Variants in PFKP observed in about 807,000 individuals in gnomAD.
PFKP encodes the protein ATP-dependent 6-phosphofructokinase, platelet type.
In PFKP, 101 loss-of-function variants were observed where a neutral mutation model predicts 94.3. The ratio of observed to expected loss-of-function variants is 1.07; its 90% CI spans 0.91 to 1.26. The LOEUF (loss-of-function observed/expected upper bound fraction) is 1.26. Ranked by LOEUF, PFKP falls within the 50% of genes most tolerant of loss-of-function variation. The pLI is 0.00. For missense variants in PFKP, 1,145 were observed against 1,103.3 expected (o/e 1.04, Z -0.53); for synonymous variants, 573 against 432.6 (o/e 1.32, Z -4.03).
chr10:3,116,767 G>A lies in PFKP; in HGVS notation c.1372-9G>A. 2 of 1,609,784 alleles carry A rather than the reference G, an allele frequency of 1.2e-6. No homozygotes were observed. Among genetic ancestry groups the A allele is most frequent in the Non-Finnish European group, 1.7e-6 (2 of 1,175,994 alleles). On this transcript the variant is annotated splice_polypyrimidine_tract_variant and intron_variant, in intron 13 of 21. Transcript: ENST00000381125. ...ACTTTAGCTGTTTCGTTCTGTGTTT[G>A]CACATTAGATCAAAGAAATCGGCTG...
At chr10:3,112,191 T>C in intron 10 of PFKP, 31 bp from the exon 11 acceptor site, 1 of 1,588,410 alleles carries the variant, frequency 6.3e-7, no homozygotes, top group Non-Finnish European at 8.6e-7. Context: ...TCCTGACACA[T>C]TCTTTCTTCT....
Position 3,082,464 on chromosome 10 carries a change from C to T in PFKP, c.186+3C>T, listed in dbSNP as rs1160033959. On this transcript the variant is annotated splice_donor_region_variant and intron_variant, in intron 2 of 21. Coordinates refer to ENST00000381125, the MANE Select transcript of PFKP (RefSeq NM_002627.5). ...CCAAGGTGTACTTCATCTACGAGGT[C>T]AGTGTCTGCCCCTCACCCCCTGTCG... The T allele has an allele frequency of 6.2e-7, 1 of 1,600,646 alleles. No individual in the cohort carries two copies. The highest frequency in any genetic ancestry group is 2.3e-5 in the East Asian group (1 of 44,314).
At position 3,101,361 on chromosome 10, in the gene PFKP, C is replaced by T. The variant is rs1834976879; in HGVS notation, c.265-4C>T. On this transcript the variant is annotated splice_polypyrimidine_tract_variant and splice_region_variant and intron_variant, in intron 3 of 21. Transcript: ENST00000381125. ...GGAGATAAATTAGCTGGTGTCTTTC[C>T]CAGGGCGGGACGATCATTGGCAGTG... 3 of 1,575,784 alleles carry T rather than the reference C, an allele frequency of 1.9e-6. No individual in the cohort carries two copies. Among genetic ancestry groups the T allele is most frequent in the East Asian group, 2.3e-5 (1 of 42,812 alleles).
chr10:3,115,009 C>A (rs897562344), intron 13 of PFKP, among the ~76,000 whole-genome samples: 1 of 152,188 alleles, frequency 6.6e-6, no homozygotes, highest in African/African-American at 2.4e-5. Flanking sequence ...TGGCGAGAAA[C>A]CTTCAAGGGT....
intron 19 of PFKP, among the ~76,000 whole-genome samples, chr10:3,133,783 T>C (rs1838882157): frequency 6.6e-6 from 1 of 152,188 alleles, no homozygotes; most frequent in African/African-American, 2.4e-5. Flanking sequence ...TAGGATTCTT[T>C]TGTTGGTGAG....
Position 3,136,710 on chromosome 10 carries a change from ACCT to A in PFKP, c.*132_*134del, listed in dbSNP as rs1264496884. The A allele has an allele frequency of 4.5e-5, 41 of 919,850 alleles. No individual in the cohort carries two copies. Among genetic ancestry groups the A allele is most frequent in the East Asian group, 2.5e-4 (9 of 35,856 alleles). 57.0% of individuals were successfully genotyped at this position (919,850 alleles called of 1,614,324 possible). The stretch of plus-strand genomic sequence containing the variant: ...TAATCGGCGAGTGCCCATCTGCCCC[ACCT>A]GCTCCAGTGCGTGCTGTCTGTGGAG... On this transcript the variant is annotated 3_prime_UTR_variant, in exon 22 of 22. Transcript: ENST00000381125.
chr10:3,075,243 C>T (rs765860960), intron 1 of PFKP, among the ~76,000 whole-genome samples: 2 of 151,832 alleles, frequency 1.3e-5, no homozygotes, highest in Admixed American at 6.6e-5. Flanking sequence ...CCGTTATGAA[C>T]GTGTCACAGT....
intron 2 of PFKP, among the ~76,000 whole-genome samples, chr10:3,094,779 G>A (rs1464891449): frequency 6.6e-6 from 1 of 152,166 alleles, no homozygotes; most frequent in Non-Finnish European, 1.5e-5. Flanking sequence ...TGCATGCTCT[G>A]AATTCTAAAA....
In PFKP at chr10:3,129,978, C is replaced by G. The variant is rs1488793851; in HGVS notation, c.1843C>G (p.Leu615Val). Reference protein sequence around the residue: ...IFEEPFDIRDLQSNVEHLTEK... With the variant: ...IFEEPFDIRDVQSNVEHLTEK... ...CGAAGAGCCCTTCGACATCAGGGAT[C>G]TGCAGGTATGTGACGGGGCTGGCCT... The change falls in exon 17 of 22, where the codon CTG becomes GTG. Residue 615 changes from leucine to valine, a missense_variant. By Grantham distance (32) the Leu-to-Val change is conservative. This residue lies in a region of PFKP where 1,119 missense variants were observed against 1,062.8 expected (regional missense o/e 1.05). Coordinates refer to ENST00000381125, the MANE Select transcript of PFKP (RefSeq NM_002627.5). The G allele has an allele frequency of 4.4e-6, 7 of 1,577,010 alleles. No individual in the cohort carries two copies. The highest frequency in any genetic ancestry group is 2.2e-5 in the East Asian group (1 of 44,522).
At chr10:3,107,392 A>C in intron 8 of PFKP, 83 bp downstream of exon 8, 1 of 783,748 alleles carries the variant, frequency 1.3e-6, no homozygotes, top group Non-Finnish European at 2.2e-6. Flanking sequence ...CTTGGTTTAG[A>C]ACATTGAATT....
intron 1 of PFKP, among the ~76,000 whole-genome samples, chr10:3,074,032 G>T (rs996265718): frequency 2.0e-5 from 3 of 152,170 alleles, no homozygotes; most frequent in Non-Finnish European, 4.4e-5. Flanking sequence ...GTAGAGATGG[G>T]TTTCACCGTG....
intron 2 of PFKP, among the ~76,000 whole-genome samples, chr10:3,089,961 T>C (rs1288914955): frequency 6.6e-6 from 1 of 152,162 alleles, no homozygotes; most frequent in African/African-American, 2.4e-5. Context: ...GATCAATTTT[T>C]TATTTAAGCT....
At chr10:3,105,047 G>A in intron 5 of PFKP, 68 bp from the exon 6 acceptor site, 1 of 1,448,940 alleles carries the variant, frequency 6.9e-7, no homozygotes, top group South Asian at 1.2e-5. Flanking sequence ...TTCCAGGACT[G>A]AGTGGGTGCT....
chr10:3,111,356 G>A (rs144961738), intron 10 of PFKP, among the ~76,000 whole-genome samples: 17 of 152,238 alleles, frequency 1.1e-4, no homozygotes, highest in African/African-American at 3.1e-4. Context: ...GTGTCTGCAC[G>A]TTAGTGTGTG....
Position 3,107,320 on chromosome 10 carries a change from G to GTAGC in PFKP, c.870+13_870+16dup, listed in dbSNP as rs1467930998. 1.3e-5 allele frequency: 19 copies of GTAGC among 1,518,100 alleles called. No homozygotes were observed. The highest frequency in any genetic ancestry group is 1.6e-5 in the Non-Finnish European group (18 of 1,093,086). The allele number at this position is 1,518,100 out of a possible 1,614,324, so 94.0% of individuals were successfully genotyped here. A position where few individuals can be genotyped will look rare whatever the true frequency, so the allele number is the denominator to read the frequency against. ...GAGAAAATCAAAGAGGTGAGTGTGTGTAGCTGCTCACTTTCTCTCGGTTTC... is the reference window on the plus strand; with the variant it reads ...GAGAAAATCAAAGAGGTGAGTGTGTGTAGCTAGCTGCTCACTTTCTCTCGGTTTC... On this transcript the variant is annotated intron_variant, in intron 8 of 21. Transcript: ENST00000381125.
chr10:3,127,743 T>G (rs1704668801), intron 16 of PFKP, among the ~76,000 whole-genome samples: 1 of 152,186 alleles, frequency 6.6e-6, no homozygotes, highest in South Asian at 2.1e-4. Flanking sequence ...TTCTTCCCAT[T>G]GCCTGTTTCT....
chr10:3,119,044 C>A (rs17285851), intron 15 of PFKP, among the ~76,000 whole-genome samples, 175 bp downstream of exon 15: 37,257 of 152,026 alleles, frequency 0.25, 4,836 homozygotes, highest in Non-Finnish European at 0.3. Context: ...ACGTGGCCTA[C>A]GAGTGGCCCA....
chr10:3,125,167 T>G (rs764325067), intron 16 of PFKP: 1 of 1,350,388 alleles, frequency 7.4e-7, no homozygotes, highest in East Asian at 4.8e-5. Context: ...CCCCTGTGTG[T>G]GGTGCCGGCC....
chr10:3,107,634 G>A (rs980532239), intron 8 of PFKP: 2 of 483,766 alleles, frequency 4.1e-6, no homozygotes, highest in African/African-American at 2.1e-5. Flanking sequence ...CTCTGAGAAT[G>A]AGGACTGACC....
Sources: gnomAD v4.1 joint callset for allele counts (sites outside exome capture counted in the v4.1 genomes callset) on GRCh38, gnomAD v4.1.1 for gene constraint, gnomAD v4.1.1 regional missense constraint, MANE v1.5 for transcripts, NCBI Gene and HGNC (gene_info 2026-07-23, HGNC 2026-07-21) for gene names.